The following UBE2W variants were observed in gnomAD, a reference collection of about 807,000 sequenced individuals.
UBE2W encodes ubiquitin-conjugating enzyme E2 W.
Under a neutral mutation model 27.2 loss-of-function variants are expected in UBE2W, and 18 were observed. The ratio of observed to expected loss-of-function variants is 0.66; its 90% CI spans 0.46 to 0.98. The LOEUF is 0.98. UBE2W is among the 50% of genes least tolerant of loss of function. The pLI, the probability that UBE2W is intolerant of heterozygous loss-of-function variation, is 0.00. For synonymous variants in UBE2W, 53 were observed against 57.2 expected (o/e 0.93, Z 0.33); for missense variants, 90 against 180.2 (o/e 0.50, Z 2.87).
intron 3 of UBE2W, among the ~76,000 whole-genome samples, chr8:73,823,348 T>C (rs1809702446): frequency 1.3e-5 from 2 of 152,220 alleles, no homozygotes. Flanking sequence ...GAGAACACAT[T>C]TTTGACTTGG....
Position 73,788,004 on chromosome 8 carries a change from G to A in UBE2W, c.*6098C>T, listed in dbSNP as rs547203375. The A allele has an allele frequency of 7.1e-6, 7 of 985,382 alleles. No individual in the cohort carries two copies. In the East Asian group the frequency reaches 5.7e-4, roughly 80 times the overall value. The allele number at this position is 985,382 out of a possible 1,614,324, so 61.0% of individuals were successfully genotyped here. A position where few individuals can be genotyped will look rare whatever the true frequency, so the allele number is the denominator to read the frequency against. On this transcript the variant is annotated 3_prime_UTR_variant, in exon 6 of 6. Coordinates refer to ENST00000602593, the MANE Select transcript of UBE2W (RefSeq NM_018299.6). ...TCATTTTGGAAATGGACATGTTCCT[G>A]TTTCTATAATCCTTTAAAATTCAGT...
Position 73,787,143 on chromosome 8 carries a change from AAAAAT to A in UBE2W, c.*6954_*6958del. The stretch of plus-strand genomic sequence containing the variant: ...ATTTTGCATTATGCAGGCAAACATT[AAAAAT>A]AAATCTTACAGGCAACTAAAAAAAT... On this transcript the variant is annotated 3_prime_UTR_variant, in exon 6 of 6. Coordinates refer to ENST00000602593, the MANE Select transcript of UBE2W (RefSeq NM_018299.6). The A allele has an allele frequency of 2.0e-6, 2 of 985,460 alleles. No homozygotes were observed. The highest frequency in any genetic ancestry group is 2.4e-6 in the Non-Finnish European group (2 of 829,926). The allele number at this position is 985,460 out of a possible 1,614,324, so 61.0% of individuals were successfully genotyped here. A position where few individuals can be genotyped will look rare whatever the true frequency, so the allele number is the denominator to read the frequency against.
chr8:73,800,596 G>A (rs1461979401), intron 5 of UBE2W, among the ~76,000 whole-genome samples: 1 of 152,076 alleles, frequency 6.6e-6, no homozygotes, highest in Non-Finnish European at 1.5e-5. Flanking sequence ...ACTTTAATCT[G>A]TTTATTGGAA....
chr8:73,860,844 G>A (rs577431072), intron 1 of UBE2W, among the ~76,000 whole-genome samples: 2 of 152,232 alleles, frequency 1.3e-5, no homozygotes, highest in Admixed American at 1.3e-4. Flanking sequence ...AATTCAAAAT[G>A]AAAGTTCAGG....
At chr8:73,800,985 G>A (rs963937266) in intron 5 of UBE2W, among the ~76,000 whole-genome samples, 2 of 152,092 alleles carry the variant, frequency 1.3e-5, no homozygotes, top group African/African-American at 4.8e-5. Flanking sequence ...CCAGCTACTC[G>A]GGAGCTGAGG....
At chr8:73,837,434 A>T (rs1810355322) in intron 1 of UBE2W, among the ~76,000 whole-genome samples, 1 of 152,048 alleles carries the variant, frequency 6.6e-6, no homozygotes, top group African/African-American at 2.4e-5. Context: ...AAATGTTTGA[A>T]CCCAGAAGGC....
At chr8:73,816,453 C>T (rs986308933) in intron 3 of UBE2W, among the ~76,000 whole-genome samples, 1 of 152,086 alleles carries the variant, frequency 6.6e-6, no homozygotes, top group Non-Finnish European at 1.5e-5. Context: ...GAGGACATCA[C>T]GAACATAGGT....
chr8:73,784,152 C>T (rs1807894641), downstream of UBE2W, among the ~76,000 whole-genome samples: 1 of 152,142 alleles, frequency 6.6e-6, no homozygotes, highest in African/African-American at 2.4e-5. Flanking sequence ...CTCATCTTCA[C>T]TCTCCCACCT....
At chr8:73,848,634 G>A (rs1036836020) in intron 1 of UBE2W, among the ~76,000 whole-genome samples, 12 of 152,154 alleles carry the variant, frequency 7.9e-5, no homozygotes, top group Admixed American at 3.3e-4. Flanking sequence ...GGAGGCTGCC[G>A]TGAGCCGTGA....
At chr8:73,841,792 A>G (rs1405174577) in intron 1 of UBE2W, among the ~76,000 whole-genome samples, 1 of 152,228 alleles carries the variant, frequency 6.6e-6, no homozygotes, top group African/African-American at 2.4e-5. Flanking sequence ...AACAAATCCA[A>G]TAGCAAAACC....
At chr8:73,870,387 A>T in intron 1 of UBE2W, 1 of 1,306,564 alleles carries the variant, frequency 7.7e-7, no homozygotes, top group Non-Finnish European at 1.0e-6. Flanking sequence ...AGGGACTAGA[A>T]ATCAGAAAAA....
intron 1 of UBE2W, among the ~76,000 whole-genome samples, chr8:73,850,694 A>C (rs1030667030): frequency 1.6e-4 from 24 of 147,854 alleles, no homozygotes; most frequent in African/African-American, 6.0e-4. Flanking sequence ...TACTGTGGGA[A>C]GGAAATAGTG....
intron 5 of UBE2W, among the ~76,000 whole-genome samples, chr8:73,795,470 A>AT (rs1409241480): frequency 9.2e-5 from 14 of 152,148 alleles, no homozygotes; most frequent in Admixed American, 9.2e-4. Context: ...TGCCAGCACT[A>AT]TGCTTCTCTA....
intron 1 of UBE2W, among the ~76,000 whole-genome samples, chr8:73,870,827 GAAAA>G (rs60577226): frequency 3.0e-5 from 3 of 99,520 alleles, no homozygotes; most frequent in Non-Finnish European, 6.1e-5. Flanking sequence ...TGAGTGAAAA[GAAAA>G]AAAAAAAAAA....
intron 1 of UBE2W, among the ~76,000 whole-genome samples, chr8:73,876,607 T>A (rs1284727091): frequency 2.0e-5 from 3 of 152,170 alleles, no homozygotes; most frequent in Non-Finnish European, 2.9e-5. Flanking sequence ...GAGTCTGAGA[T>A]AGTAATACTT....
intron 5 of UBE2W, among the ~76,000 whole-genome samples, chr8:73,798,328 C>A (rs1808507024): frequency 6.6e-6 from 1 of 151,996 alleles, no homozygotes; most frequent in Non-Finnish European, 1.5e-5. Context: ...ATAAAATTAC[C>A]CTCAGAATAT....
At chr8:73,873,037 C>T (rs1355963969) in intron 1 of UBE2W, among the ~76,000 whole-genome samples, 1 of 152,000 alleles carries the variant, frequency 6.6e-6, no homozygotes, top group Non-Finnish European at 1.5e-5. Context: ...TCTCAAATAA[C>T]TGGGATTACA....
intron 3 of UBE2W, among the ~76,000 whole-genome samples, chr8:73,813,179 G>C (rs979062730): frequency 1.4e-5 from 2 of 147,440 alleles, no homozygotes; most frequent in Non-Finnish European, 3.0e-5. Context: ...GCAACACGAA[G>C]GTTACTACAT....
chr8:73,780,375 C>A, exon 5 of UBE2W: 1 of 401,408 alleles, frequency 2.5e-6, no homozygotes. Flanking sequence ...TTCGGTATAA[C>A]CTCACCTCAA....
Sources: allele counts gnomAD v4.1 joint callset (sites outside exome capture counted in the v4.1 genomes callset), GRCh38; gene constraint gnomAD v4.1.1; transcripts MANE v1.5; gene names NCBI Gene and HGNC (gene_info 2026-07-23, HGNC 2026-07-21).